SLC44A5: variants seen among roughly 807,000 people sequenced by gnomAD.
The protein encoded by SLC44A5 is solute carrier family 44 member 5.
In SLC44A5, 57 loss-of-function variants were observed where a neutral mutation model predicts 101.8. The ratio of observed to expected loss-of-function variants is 0.56; its 90% confidence interval spans 0.45 to 0.70. The LOEUF (loss-of-function observed/expected upper bound fraction) is 0.70, where lower values mean the gene tolerates loss of function less well. Among genes scored for constraint, SLC44A5 ranks in the 30% least tolerant of loss-of-function variants. SLC44A5 has a pLI of 0.00. For synonymous variants in SLC44A5, 281 were observed against 290.9 expected (o/e 0.97, Z 0.35); for missense variants, 737 against 853.1 (o/e 0.86, Z 1.70).
the SLC44A5 span, among the ~76,000 whole-genome samples, chr1:75,644,710 T>C: frequency 3.9e-5 from 6 of 152,232 alleles, no homozygotes; most frequent in Non-Finnish European, 8.8e-5. Flanking sequence ...TACATATGTA[T>C]ACATGTGCCA....
chr1:75,325,864 A>G (rs1656550465), intron 4 of SLC44A5, among the ~76,000 whole-genome samples: 1 of 151,636 alleles, frequency 6.6e-6, no homozygotes, highest in African/African-American at 2.4e-5. Flanking sequence ...ATAATGAGAT[A>G]TTTTGGGGGT....
intron 12 of SLC44A5, among the ~76,000 whole-genome samples, chr1:75,228,819 A>G (rs779573250): frequency 2.6e-5 from 4 of 151,840 alleles, no homozygotes; most frequent in Non-Finnish European, 5.9e-5. Flanking sequence ...GTTACTCAAT[A>G]ATCACCCACT....
chr1:75,345,440 T>A (rs1384578652), intron 3 of SLC44A5, among the ~76,000 whole-genome samples: 3 of 152,102 alleles, frequency 2.0e-5, no homozygotes, highest in African/African-American at 7.2e-5. Flanking sequence ...TGGGAAACAA[T>A]TTCTACCTTC....
chr1:75,698,351 C>T, the SLC44A5 span, among the ~76,000 whole-genome samples: 1 of 152,168 alleles, frequency 6.6e-6, no homozygotes, highest in African/African-American at 2.4e-5. Context: ...GACCCCTGAT[C>T]CCCGAGCAGC....
intron 2 of SLC44A5, among the ~76,000 whole-genome samples, chr1:75,465,213 T>C (rs1557813176): frequency 6.6e-6 from 1 of 152,082 alleles, no homozygotes; most frequent in African/African-American, 2.4e-5. Context: ...GGAATAAAAC[T>C]AGAAATCAAC....
At chr1:75,319,577 CCTT>C (rs1001851508) in intron 4 of SLC44A5, among the ~76,000 whole-genome samples, 28 of 152,314 alleles carry the variant, frequency 1.8e-4, no homozygotes, top group African/African-American at 6.7e-4. Context: ...CCAAGTTCTG[CCTT>C]TTTTTCTCCT....
At chr1:75,602,441 G>T (rs1014250383) in intron 1 of SLC44A5, among the ~76,000 whole-genome samples, 3 of 152,152 alleles carry the variant, frequency 2.0e-5, no homozygotes, top group Admixed American at 6.6e-5. Context: ...TTTCTGAGTG[G>T]TTAAGGATTG....
At chr1:75,207,844 G>A (rs1332066497) in intron 23 of SLC44A5, among the ~76,000 whole-genome samples, 2 of 152,096 alleles carry the variant, frequency 1.3e-5, no homozygotes, top group Non-Finnish European at 2.9e-5. Flanking sequence ...GTAGCATAAT[G>A]AGACCTCAAA....
intron 2 of SLC44A5, among the ~76,000 whole-genome samples, chr1:75,401,638 A>G (rs942586163): frequency 6.6e-6 from 1 of 152,068 alleles, no homozygotes; most frequent in African/African-American, 2.4e-5. Flanking sequence ...AGCTGGGGCT[A>G]GAGAAGTGGG....
intron 2 of SLC44A5, among the ~76,000 whole-genome samples, chr1:75,478,253 C>T (rs1428577100): frequency 6.6e-6 from 1 of 152,054 alleles, no homozygotes; most frequent in African/African-American, 2.4e-5. Context: ...CTGAAGGAAG[C>T]ACTAAACATG....
chr1:75,273,139 G>T (rs1651629309), intron 6 of SLC44A5, among the ~76,000 whole-genome samples: 1 of 151,854 alleles, frequency 6.6e-6, no homozygotes, highest in Non-Finnish European at 1.5e-5. Context: ...TTTATTTTTT[G>T]CAGATGTTGT....
intron 2 of SLC44A5, among the ~76,000 whole-genome samples, chr1:75,515,160 A>C (rs1291089443): frequency 6.6e-6 from 1 of 152,156 alleles, no homozygotes; most frequent in Non-Finnish European, 1.5e-5. Flanking sequence ...GTAAATTGAC[A>C]ACTTATAATT....
intron 1 of SLC44A5, among the ~76,000 whole-genome samples, chr1:75,553,683 AC>A (rs1337685954): frequency 6.6e-6 from 1 of 152,232 alleles, no homozygotes; most frequent in Non-Finnish European, 1.5e-5. Flanking sequence ...ATTCAGTCTT[AC>A]AGGACACCTT....
chr1:75,216,571 G>A, intron 18 of SLC44A5, among the ~76,000 whole-genome samples: 1 of 151,582 alleles, frequency 6.6e-6, no homozygotes, highest in East Asian at 1.9e-4. Context: ...CAATACACAG[G>A]GTTCCAATTT....
intron 2 of SLC44A5, chr1:75,522,175 G>A (rs1041751055): frequency 6.6e-6 from 1 of 152,142 alleles, no homozygotes; most frequent in Non-Finnish European, 1.5e-5. Flanking sequence ...CAAAGAGGAG[G>A]AGGATGCTTG....
chr1:75,626,972 A>G, the SLC44A5 span, among the ~76,000 whole-genome samples: 1 of 152,094 alleles, frequency 6.6e-6, no homozygotes, highest in Non-Finnish European at 1.5e-5. Context: ...TGTTCTAGGC[A>G]CACTGGATTC....
intron 4 of SLC44A5, among the ~76,000 whole-genome samples, chr1:75,323,136 C>T (rs12726786): frequency 0.29 from 40,285 of 140,460 alleles, 5,426 homozygotes; most frequent in East Asian, 0.76. Context: ...GTTCCCCTTC[C>T]TGTGTCCATG....
chr1:75,513,738 G>A (rs1027872234), intron 2 of SLC44A5, among the ~76,000 whole-genome samples: 3 of 152,180 alleles, frequency 2.0e-5, no homozygotes, highest in African/African-American at 7.2e-5. Context: ...AGCCTTTGAA[G>A]AGAAAATTAT....
intron 2 of SLC44A5, among the ~76,000 whole-genome samples, chr1:75,526,765 T>C (rs987889736): frequency 6.6e-6 from 1 of 152,202 alleles, no homozygotes; most frequent in Non-Finnish European, 1.5e-5. Context: ...CCCACAATTT[T>C]CAGAGTAAAC....
Sources: allele counts gnomAD v4.1 joint callset (sites outside exome capture counted in the v4.1 genomes callset), GRCh38; gene constraint gnomAD v4.1.1; transcripts MANE v1.5; gene names NCBI Gene and HGNC (gene_info 2026-07-23, HGNC 2026-07-21).